The following NBPF20 variants were observed in gnomAD, a reference collection of about 807,000 sequenced individuals.
The protein encoded by NBPF20 is NBPF member 20, also known as NBPF family member NBPF20.
In NBPF20, 90 loss-of-function variants were observed where a neutral mutation model predicts 68.1. The ratio of observed to expected loss-of-function variants is 1.32; its 90% CI spans 1.11 to 1.58. NBPF20 has a LOEUF of 1.58. Ranked by LOEUF, NBPF20 falls within the 40% of genes most tolerant of loss-of-function variation. NBPF20 has a pLI of 0.00. For synonymous variants in NBPF20, 290 were observed against 228.1 expected (o/e 1.27, Z -2.45); for missense variants, 816 against 601.2 (o/e 1.36, Z -3.74).
Position 145,393,912 on chromosome 1 carries a change from T to A in NBPF20, c.1015A>T (p.Lys339Ter). 1 of 1,514,372 alleles carries A rather than the reference T, an allele frequency of 6.6e-7. No individual in the cohort carries two copies. Among genetic ancestry groups the A allele is most frequent in the East Asian group, 2.2e-5 (1 of 44,458 alleles). 93.8% of individuals were successfully genotyped at this position (1,514,372 alleles called of 1,614,324 possible). ...GGACCTGTTGCCTCTTGGTCCTCCT[T>A]TTTCACTTGATCCCACCGATGTCCT... Residue 339 changes from lysine to a stop codon, truncating the protein, a stop_gained, in exon 9 of 138, where the codon AAG becomes TAG. Coordinates refer to ENST00000369373, the Ensembl canonical transcript of NBPF20. LOFTEE classifies it high-confidence loss of function.
chr1:145,409,877 G>C (rs1402505132), upstream of NBPF20, among the ~76,000 whole-genome samples: 3 of 151,466 alleles, frequency 2.0e-5, no homozygotes, highest in East Asian at 5.8e-4. Context: ...AGTTGGTCTG[G>C]TGATAATTTC....
chr1:145,393,703 G>A (rs1553662876), intron 9 of NBPF20, 181 bp downstream of exon 14: 20 of 1,468,384 alleles, frequency 1.4e-5, no homozygotes, highest in Non-Finnish European at 1.8e-5. Flanking sequence ...AAATGATAAG[G>A]GTAGGAAGAA....
upstream of NBPF20, among the ~76,000 whole-genome samples, chr1:145,408,586 G>A (rs1218995318): frequency 5.3e-5 from 8 of 151,602 alleles, 1 homozygote; most frequent in Admixed American, 6.6e-5. Context: ...CTTCAAGACC[G>A]ACTTGCTTAT....
chr1:145,407,675 C>G (rs1176168050), upstream of NBPF20: 1 of 151,622 alleles, frequency 6.6e-6, no homozygotes, highest in African/African-American at 2.4e-5. Context: ...GCACCTGCAT[C>G]GAGCTCTCCG....
the NBPF20 span, among the ~76,000 whole-genome samples, chr1:145,412,517 A>G: frequency 6.6e-5 from 10 of 151,996 alleles, no homozygotes; most frequent in Non-Finnish European, 1.5e-4. Context: ...TTGCAATAAA[A>G]CCTTAAGATG....
chr1:145,397,340 T>G (rs1449108584), intron 7 of NBPF20, among the ~76,000 whole-genome samples: 1 of 150,948 alleles, frequency 6.6e-6, no homozygotes, highest in Non-Finnish European at 1.5e-5. Context: ...TGAGGAATTG[T>G]CACACTGCCT....
chr1:145,401,055 T>G lies in NBPF20; in HGVS notation c.566+4A>C. ...ATTAATTGTTCCTGAGTATTCAGTG[T>G]TACCTGGGGGCAGACGATTTCTGCA... is the stretch of plus-strand genomic sequence containing the variant. On this transcript the variant is annotated splice_donor_region_variant and intron_variant, in intron 5 of 137. Coordinates refer to ENST00000369373, the Ensembl canonical transcript of NBPF20. The G allele has an allele frequency of 6.2e-7, 1 of 1,605,774 alleles. No individual in the cohort carries two copies. Among genetic ancestry groups the G allele is most frequent in the South Asian group, 1.1e-5 (1 of 90,922 alleles).
chr1:145,393,453 A>T (rs1249105349), intron 9 of NBPF20, among the ~76,000 whole-genome samples: 3 of 118,972 alleles, frequency 2.5e-5, no homozygotes, highest in Non-Finnish European at 5.5e-5. Flanking sequence ...TCACACACAC[A>T]CACAAACACA....
At position 145,291,372 on chromosome 1, in the gene NBPF20, T is replaced by G. The variant is rs1182527130; in HGVS notation, c.*154A>C. The G allele has an allele frequency of 3.3e-6, 5 of 1,538,290 alleles. No homozygotes were observed. The Admixed American group carries it at 5.5e-5, about 17-fold the overall frequency. On this transcript the variant is annotated 3_prime_UTR_variant, in exon 138 of 138. Transcript: ENST00000369373. ...CATTGTCTTCAGACTGAGCACAGGT[T>G]GCCACTGGCATGGTTTGAGAATAGG...
intron 9 of NBPF20, 123 bp from the exon 15 acceptor site, chr1:145,393,369 G>T (rs1407766464): frequency 1.3e-4 from 92 of 709,920 alleles, no homozygotes; most frequent in Non-Finnish European, 1.8e-4. Flanking sequence ...CCATTAATGA[G>T]GTAAGAAATT....
chr1:145,411,073 T>C, the NBPF20 span, among the ~76,000 whole-genome samples: 1 of 146,814 alleles, frequency 6.8e-6, no homozygotes, highest in African/African-American at 2.5e-5. Context: ...ATTCTGGAAA[T>C]AGGTAGTGAA....
At chr1:145,403,944 G>A (rs1553666213) in intron 2 of NBPF20, among the ~76,000 whole-genome samples, 2 of 149,938 alleles carry the variant, frequency 1.3e-5, no homozygotes, top group Non-Finnish European at 3.0e-5. Context: ...AGTGTTCACT[G>A]TGTGCCAATA....
chr1:145,404,136 T>A lies in NBPF20; in HGVS notation c.176-818A>T, dbSNP rs1446567905. Among the ~76,000 whole-genome samples, 8 of 146,276 alleles carry A rather than the reference T, an allele frequency of 5.5e-5. No individual in the cohort carries two copies. In the East Asian group the frequency reaches 1.6e-3, roughly 30 times the overall value. ...CTGCTTTGCACACTGCACTGCTGCT[T>A]CCACACATTCTCGGGTGTGATCTTT... On this transcript the variant is annotated intron_variant, in intron 2 of 137. Coordinates refer to ENST00000369373, the Ensembl canonical transcript of NBPF20.
At chr1:145,393,494 G>C (rs61810767) in intron 9 of NBPF20, among the ~76,000 whole-genome samples, 11 of 138,458 alleles carry the variant, frequency 7.9e-5, no homozygotes, top group Non-Finnish European at 1.8e-4. Flanking sequence ...CACACACAGA[G>C]CGAGCTCAGT....
At chr1:145,403,948 G>T in intron 2 of NBPF20, among the ~76,000 whole-genome samples, 1 of 149,338 alleles carries the variant, frequency 6.7e-6, no homozygotes, top group Admixed American at 6.7e-5. Context: ...TTCACTGTGT[G>T]CCAATAAATG....
the NBPF20 span, among the ~76,000 whole-genome samples, chr1:145,423,721 A>ACATT: frequency 1.3e-5 from 2 of 150,774 alleles, no homozygotes; most frequent in Admixed American, 1.3e-4. Context: ...TCACACTGAT[A>ACATT]CATTACTGCA....
At chr1:145,402,649 G>A (rs3977233) in intron 3 of NBPF20, among the ~76,000 whole-genome samples, 36 of 150,624 alleles carry the variant, frequency 2.4e-4, no homozygotes, top group East Asian at 5.9e-4. Context: ...TCCTAATTCC[G>A]TTTCAAAAAG....
Position 145,296,109 on chromosome 1 carries a change from T to C in NBPF20, c.16138+229A>G, listed in dbSNP as rs1305119008. 4.8e-5 allele frequency: 4 copies of C among 82,862 alleles called. 1 individual carries two copies. Among genetic ancestry groups the C allele is most frequent in the Non-Finnish European group, 7.7e-5 (4 of 51,632 alleles). The allele number at this position is 82,862 out of a possible 1,614,324, so 5.1% of individuals were successfully genotyped here. On this transcript the variant is annotated intron_variant, in intron 132 of 137. Coordinates refer to ENST00000369373, the Ensembl canonical transcript of NBPF20. ...CAGGTCCAACATCATGAGAGTAGGATTAGGGCGCCACAGGCATGGCCTGAG... is the reference window on the plus strand; with the variant it reads ...CAGGTCCAACATCATGAGAGTAGGACTAGGGCGCCACAGGCATGGCCTGAG...
intron 3 of NBPF20, 85 bp from the exon 9 acceptor site, chr1:145,402,466 G>C (rs1256776495): frequency 1.8e-5 from 27 of 1,492,842 alleles, no homozygotes; most frequent in Admixed American, 1.2e-4. Context: ...CTGAGATAAT[G>C]TCCTCAAGGA....
Sources: gnomAD v4.1 joint callset for allele counts (sites outside exome capture counted in the v4.1 genomes callset) on GRCh38, gnomAD v4.1.1 for gene constraint, MANE v1.5 for transcripts, NCBI Gene and HGNC (gene_info 2026-07-23, HGNC 2026-07-21) for gene names.